ZDBF2: variants seen among roughly 807,000 people sequenced by gnomAD.
The protein encoded by ZDBF2 is DBF4-type zinc finger-containing protein 2.
Under a neutral mutation model 9.4 loss-of-function variants are expected in ZDBF2, and 6 were observed. The ratio of observed to expected loss-of-function variants is 0.64; its 90% CI spans 0.35 to 1.27. The LOEUF (loss-of-function observed/expected upper bound fraction) is 1.27. Among genes scored for constraint, ZDBF2 ranks in the 50% most tolerant of loss-of-function variants. The probability of loss-of-function intolerance (pLI) is 0.03; values close to 1 mark genes in which losing one functional copy is unlikely to be tolerated. For missense variants in ZDBF2, 2,697 were observed against 2,766.8 expected (o/e 0.97, Z 0.57); for synonymous variants, 905 against 946.3 (o/e 0.96, Z 0.80).
chr2:206,282,165 A>T lies in ZDBF2; in HGVS notation c.60+256A>T, dbSNP rs188242844. 3.4e-3 allele frequency among the ~76,000 whole-genome samples: 513 copies of T among 152,336 alleles called. 2 individuals are homozygous for T. The highest frequency in any genetic ancestry group is 4.9e-3 in the Non-Finnish European group (331 of 68,042). ...TTAGTACATAATGCGTGAGATTGTG[A>T]TAAATGTTATGAGGAAAACAAAATA... is the stretch of plus-strand genomic sequence containing the variant. On this transcript the variant is annotated intron_variant, in intron 3 of 4. Coordinates refer to ENST00000374423, the MANE Select transcript of ZDBF2 (RefSeq NM_020923.3).
rs1312289212 is a variant in ZDBF2, at chr2:206,307,978, T to G, written c.3450T>G (p.Val1150=). 6 of 1,613,648 alleles carry G rather than the reference T, an allele frequency of 3.7e-6. No individual in the cohort carries two copies. The highest frequency in any genetic ancestry group is 5.1e-6 in the Non-Finnish European group (6 of 1,179,808). The stretch of plus-strand genomic sequence containing the variant: ...ATGAAAACCATATGTACTTGGAAGT[T>G]AAGAACAGCCAATATAGTTGTTCAG... The part of the protein sequence containing the change: ...LGNENHMYLE[V]KNSQYSCSEM... Residue 1150 remains valine (V), a synonymous_variant, in exon 5 of 5, where the codon GTT becomes GTG. Coordinates refer to ENST00000374423, the MANE Select transcript of ZDBF2 (RefSeq NM_020923.3).
chr2:206,294,778 A>G (rs991168383), intron 3 of ZDBF2, among the ~76,000 whole-genome samples: 13 of 152,340 alleles, frequency 8.5e-5, no homozygotes, highest in Admixed American at 6.5e-4. Context: ...AAATTTGCTT[A>G]GGATGATGGC....
intron 4 of ZDBF2, among the ~76,000 whole-genome samples, chr2:206,298,184 A>C (rs1692298876): frequency 6.6e-6 from 1 of 152,232 alleles, no homozygotes; most frequent in African/African-American, 2.4e-5. Context: ...GTTTTTAATA[A>C]AAATAATTAT....
In ZDBF2 at chr2:206,305,840, G is replaced by A. The variant is rs376029259; in HGVS notation, c.1312G>A (p.Val438Ile). 1.9e-6 allele frequency: 3 copies of A among 1,613,256 alleles called. No individual in the cohort carries two copies. The highest frequency in any genetic ancestry group is 1.3e-5 in the African/African-American group (1 of 74,894). ...VNLSKEVRTD[V>I]QYKNNKSYVS... ...CCTTTCCAAGGAAGTACGTACTGAT[G>A]TACAGTATAAGAATAATAAATCTTA... The change falls in exon 5 of 5, where the codon GTA becomes ATA. Residue 438 changes from valine to isoleucine, a missense_variant. This residue lies in a region of ZDBF2 where 910 missense variants were observed against 973.6 expected (regional missense o/e 0.93). Coordinates refer to ENST00000374423, the MANE Select transcript of ZDBF2 (RefSeq NM_020923.3).
In ZDBF2 at chr2:206,308,168, C is replaced by G; in HGVS notation, c.3640C>G (p.Leu1214Val). 6.2e-7 allele frequency: 1 copy of G among 1,613,760 alleles called. No homozygotes were observed. The highest frequency in any genetic ancestry group is 1.7e-4 in the Middle Eastern group (1 of 6,060). Residue 1214 changes from leucine (L) to valine (V), a missense_variant, in exon 5 of 5, where the codon CTG becomes GTG. This residue lies in a region of ZDBF2 where 1,783 missense variants were observed against 1,776.5 expected (regional missense o/e 1.00). Coordinates refer to ENST00000374423, the MANE Select transcript of ZDBF2 (RefSeq NM_020923.3). Reference protein sequence around the residue: ...DDPLQSVADRLRETVKEISLW... With the variant: ...DDPLQSVADRVRETVKEISLW... ...CCCTCTTCAGTCAGTGGCTGACCGG[C>G]TGAGAGAAACCGTTAAAGAAATAAG...
Position 206,310,546 on chromosome 2 carries a change from A to T in ZDBF2, c.6018A>T (p.Lys2006Asn), listed in dbSNP as rs1324863941. 6.2e-7 allele frequency: 1 copy of T among 1,613,692 alleles called. No homozygotes were observed. Among genetic ancestry groups the T allele is most frequent in the South Asian group, 1.1e-5 (1 of 90,976 alleles). ...AAGTTTTGAAGCCTATGCAACCCAA[A>T]GCCTTAGTCTGTGTTCTTTCTTCTT... is the stretch of plus-strand genomic sequence containing the variant. ...CTKVLKPMQP[K>N]ALVCVLSSLN... The change falls in exon 5 of 5, where the codon AAA becomes AAT. Residue 2006 changes from lysine (K) to asparagine (N), a missense_variant. Around this residue, in one of 3 missense-constraint regions of ZDBF2, gnomAD observed 1,783 missense variants for 1,776.5 expected, o/e 1.00. Coordinates refer to ENST00000374423, the MANE Select transcript of ZDBF2 (RefSeq NM_020923.3).
chr2:206,307,431 C>G lies in ZDBF2; in HGVS notation c.2903C>G (p.Thr968Ser), dbSNP rs1314545294. The change falls in exon 5 of 5, where the codon ACT (threonine) becomes AGT (serine). Residue 968 changes from threonine to serine, a missense_variant. Physicochemically the swap from Thr to Ser is moderately conservative, Grantham distance 58 (BLOSUM62 1). Around this residue, in one of 3 missense-constraint regions of ZDBF2, gnomAD observed 1,783 missense variants for 1,776.5 expected, o/e 1.00. Transcript: ENST00000374423. ...TCTGATGTCCCTCTTCAGGCAGCGA[C>G]TCACAAACCTGAAGTAATTGTCAAA... ...LDSDVPLQAA[T>S]HKPEVIVKET... 3.1e-6 allele frequency: 5 copies of G among 1,611,744 alleles called. No homozygotes were observed. In the African/African-American group the frequency reaches 6.7e-5, roughly 22 times the overall value.
chr2:206,304,972 C>T lies in ZDBF2; in HGVS notation c.444C>T (p.Pro148=). Residue 148 remains proline, a synonymous_variant, in exon 5 of 5, where the codon CCC becomes CCT. Transcript: ENST00000374423. The stretch of plus-strand genomic sequence containing the variant: ...AACTGGAGAAGGGACAGCAGCAGCC[C>T]TTGGAGTTTGTTCATAAAATTGGGG... ...IQKLEKGQQQ[P]LEFVHKIGAS... 2.5e-6 allele frequency: 4 copies of T among 1,613,592 alleles called. No homozygotes were observed. Among genetic ancestry groups the T allele is most frequent in the Non-Finnish European group, 3.4e-6 (4 of 1,179,742 alleles).
chr2:206,278,190 A>G (rs1187812622), intron 1 of ZDBF2, among the ~76,000 whole-genome samples: 2 of 152,200 alleles, frequency 1.3e-5, no homozygotes, highest in African/African-American at 4.8e-5. Context: ...TATTTTTATA[A>G]TTGTACTATT....
chr2:206,310,323 G>A lies in ZDBF2; in HGVS notation c.5795G>A (p.Arg1932His), dbSNP rs763186071. The change falls in exon 5 of 5, where the codon CGT becomes CAT. Residue 1932 changes from arginine (R) to histidine (H), a missense_variant. Around this residue, in one of 3 missense-constraint regions of ZDBF2, gnomAD observed 1,783 missense variants for 1,776.5 expected, o/e 1.00. Transcript: ENST00000374423. ...GAGAGGCCTCCTAAGCAAAAGGGGC[G>A]TGTGGCTTCTCAATGCCAGACAGCG... is the stretch of plus-strand genomic sequence containing the variant. ...PAERPPKQKG[R>H]VASQCQTAKI... 5.0e-5 allele frequency: 81 copies of A among 1,613,786 alleles called. No homozygotes were observed. The highest frequency in any genetic ancestry group is 3.8e-4 in the East Asian group (17 of 44,888).
rs546049758 is a variant in ZDBF2, at chr2:206,311,666, C to G, written c.*73C>G. 94 of 1,306,602 alleles carry G rather than the reference C, an allele frequency of 7.2e-5. No individual in the cohort carries two copies. The African/African-American group carries it at 1.3e-3, about 18-fold the overall frequency. The allele number at this position is 1,306,602 out of a possible 1,614,324, so 80.9% of individuals were successfully genotyped here. A position where few individuals can be genotyped will look rare whatever the true frequency, so the allele number is the denominator to read the frequency against. On this transcript the variant is annotated 3_prime_UTR_variant, in exon 5 of 5. Transcript: ENST00000374423. The stretch of plus-strand genomic sequence containing the variant: ...AAATATATTTGGTACTTTGTGCACA[C>G]AGCTTTCCCAGCTTTGGTGAGAAAA...
At chr2:206,293,475 T>A (rs2105922418) in intron 3 of ZDBF2, among the ~76,000 whole-genome samples, 1 of 152,108 alleles carries the variant, frequency 6.6e-6, no homozygotes, top group Non-Finnish European at 1.5e-5. Flanking sequence ...CAATGGAAGA[T>A]GATTAAGAAA....
At chr2:206,286,576 TAAAAG>T (rs1019724807) in intron 3 of ZDBF2, among the ~76,000 whole-genome samples, 4 of 149,524 alleles carry the variant, frequency 2.7e-5, no homozygotes, top group African/African-American at 9.8e-5. Flanking sequence ...AAAAAAAAAA[TAAAAG>T]AGATGGAGTC....
At position 206,305,137 on chromosome 2, in the gene ZDBF2, T is replaced by C. The variant is rs1200656539; in HGVS notation, c.609T>C (p.Asn203=). The change falls in exon 5 of 5, where the codon AAT becomes AAC. Residue 203 remains asparagine (N), a synonymous_variant. Transcript: ENST00000374423. ...CTAACGATAGACCAGTTACAGCTAATACAACTAGTTTACCACCAGCAGCTC... is the reference window on the plus strand; with the variant it reads ...CTAACGATAGACCAGTTACAGCTAACACAACTAGTTTACCACCAGCAGCTC... ...ESSNDRPVTA[N]TTSLPPAAHL... 4 of 1,613,846 alleles carry C rather than the reference T, an allele frequency of 2.5e-6. No individual in the cohort carries two copies. In the South Asian group the frequency reaches 4.4e-5, roughly 18 times the overall value.
chr2:206,285,020 C>T (rs547330954), intron 3 of ZDBF2, among the ~76,000 whole-genome samples: 4 of 152,282 alleles, frequency 2.6e-5, no homozygotes, highest in South Asian at 4.1e-4. Flanking sequence ...TGAGCCACTG[C>T]GCCTGGCCCC....
chr2:206,291,692 A>T (rs1691908117), intron 3 of ZDBF2, among the ~76,000 whole-genome samples: 1 of 152,126 alleles, frequency 6.6e-6, no homozygotes, highest in South Asian at 2.1e-4. Flanking sequence ...CAGATGTTAA[A>T]CTTATTTTGC....
chr2:206,306,624 T>C lies in ZDBF2; in HGVS notation c.2096T>C (p.Val699Ala). ...KVDVDLENKS[V>A]QSSRSSLSSD... Reference sequence around the variant, plus strand: ...GATGTTGACCTTGAGAATAAGAGTGTTCAGTCTAGCCGTTCTTCTCTGAGT... The same window carrying C: ...GATGTTGACCTTGAGAATAAGAGTGCTCAGTCTAGCCGTTCTTCTCTGAGT... The change falls in exon 5 of 5, where the codon GTT (valine) becomes GCT (alanine). Residue 699 changes from valine to alanine, a missense_variant. Val to Ala is a moderately conservative substitution (Grantham distance 64). Transcript: ENST00000374423. The C allele has an allele frequency of 6.2e-7, 1 of 1,613,750 alleles. No individual in the cohort carries two copies. Among genetic ancestry groups the C allele is most frequent in the South Asian group, 1.1e-5 (1 of 91,070 alleles).
chr2:206,288,786 C>T (rs887974356), intron 3 of ZDBF2, among the ~76,000 whole-genome samples: 2 of 152,038 alleles, frequency 1.3e-5, no homozygotes, highest in African/African-American at 4.8e-5. Context: ...GACCTGACTC[C>T]AGGGAAAAAT....
Position 206,306,453 on chromosome 2 carries a change from C to T in ZDBF2, c.1925C>T (p.Ala642Val), listed in dbSNP as rs769172578. ...ACAGTTGCAGATGAATCCCAGAGGG[C>T]TGTTGAAAAGATAAATCTTCTGAAG... is the stretch of plus-strand genomic sequence containing the variant. ...LGTVADESQRAVEKINLLKEK... is the reference protein window; with the variant it reads ...LGTVADESQRVVEKINLLKEK... Residue 642 changes from alanine (A) to valine (V), a missense_variant, in exon 5 of 5, where the codon GCT becomes GTT. This residue lies in a region of ZDBF2 where 910 missense variants were observed against 973.6 expected (regional missense o/e 0.93). Transcript: ENST00000374423. 5.0e-6 allele frequency: 8 copies of T among 1,613,690 alleles called. No homozygotes were observed. The Admixed American group carries it at 5.0e-5, about 10-fold the overall frequency.
Sources: gnomAD v4.1 joint callset for allele counts (sites outside exome capture counted in the v4.1 genomes callset) on GRCh38, gnomAD v4.1.1 for gene constraint, gnomAD v4.1.1 regional missense constraint, MANE v1.5 for transcripts, NCBI Gene and HGNC (gene_info 2026-07-23, HGNC 2026-07-21) for gene names.